The following SPINK9 variants were observed in gnomAD, a reference collection of about 807,000 sequenced individuals.
The protein encoded by SPINK9 is serine protease inhibitor Kazal-type 9.
SPINK9 carries 3 observed loss-of-function variants against 10.8 expected under a neutral mutation model. The observed-to-expected ratio is 0.28, with a 90% CI of 0.13 to 0.72. The LOEUF (loss-of-function observed/expected upper bound fraction) is 0.72, where lower values mean the gene tolerates loss of function less well. Ranked by LOEUF, SPINK9 falls within the 30% of genes least tolerant of loss-of-function variation. SPINK9 has a pLI of 0.74. For synonymous variants in SPINK9, 30 were observed against 31.2 expected (o/e 0.96, Z 0.12); for missense variants, 101 against 103.2 (o/e 0.98, Z 0.09).
chr5:148,327,229 T>C (rs975211110), intron 2 of SPINK9, among the ~76,000 whole-genome samples: 1 of 152,210 alleles, frequency 6.6e-6, no homozygotes, highest in Non-Finnish European at 1.5e-5. Flanking sequence ...TGGTATCTCA[T>C]TGTGGTTTTG....
chr5:148,338,290 T>C (rs569041444), intron 2 of SPINK9, among the ~76,000 whole-genome samples, 188 bp from the exon 3 acceptor site: 14 of 152,166 alleles, frequency 9.2e-5, no homozygotes, highest in Non-Finnish European at 2.1e-4. Context: ...AAGATGTTTA[T>C]CAGTCATGAT....
In SPINK9 at chr5:148,335,635, C is replaced by T; in HGVS notation, c.22C>T (p.Leu8=). MRATAIV[L]LLALTLATMF... is the part of the protein sequence containing the mutation. The stretch of plus-strand genomic sequence containing the variant: ...TACTATGAGAGCAACAGCCATAGTC[C>T]TACTCTTGGCTCTGACACTTGCAAC... The change falls in exon 1 of 4, where the codon CTA becomes TTA. Residue 8 remains leucine, a synonymous_variant. Coordinates refer to ENST00000377906, the MANE Select transcript of SPINK9 (RefSeq NM_001040433.2). 1 of 1,613,688 alleles carries T rather than the reference C, an allele frequency of 6.2e-7. No individual in the cohort carries two copies. The highest frequency in any genetic ancestry group is 1.7e-4 in the Middle Eastern group (1 of 6,058).
chr5:148,337,406 G>A (rs1168490147), intron 2 of SPINK9, among the ~76,000 whole-genome samples: 1 of 152,150 alleles, frequency 6.6e-6, no homozygotes, highest in African/African-American at 2.4e-5. Flanking sequence ...GGAAGCTGAT[G>A]AATGAATGAA....
chr5:148,326,358 A>G (rs1360276717), intron 2 of SPINK9, among the ~76,000 whole-genome samples: 1 of 152,132 alleles, frequency 6.6e-6, no homozygotes, highest in Non-Finnish European at 1.5e-5. Flanking sequence ...CTAAAAATTG[A>G]ATTACCATGC....
At chr5:148,325,996 C>T (rs1757054580) in intron 2 of SPINK9, among the ~76,000 whole-genome samples, 1 of 152,066 alleles carries the variant, frequency 6.6e-6, no homozygotes, top group Non-Finnish European at 1.5e-5. Flanking sequence ...GTCTTGGCAC[C>T]CTTGTCAAAA....
intron 2 of SPINK9, among the ~76,000 whole-genome samples, chr5:148,327,016 T>G (rs1047856391): frequency 6.6e-6 from 1 of 152,008 alleles, no homozygotes; most frequent in African/African-American, 2.4e-5. Context: ...TATAATCCTT[T>G]GGGTATATAC....
chr5:148,335,169 T>C (rs1253147162), upstream of SPINK9, among the ~76,000 whole-genome samples: 1 of 152,224 alleles, frequency 6.6e-6, no homozygotes, highest in Non-Finnish European at 1.5e-5. Context: ...ACCTAGCCCA[T>C]TCCAAAATCA....
In SPINK9 at chr5:148,335,597, T is replaced by C. The variant is rs1190850836; in HGVS notation, c.-17T>C. 3 of 1,613,260 alleles carry C rather than the reference T, an allele frequency of 1.9e-6. No individual in the cohort carries two copies. The highest frequency in any genetic ancestry group is 2.2e-5 in the East Asian group (1 of 44,852). On this transcript the variant is annotated 5_prime_UTR_variant, in exon 1 of 4. Coordinates refer to ENST00000377906, the MANE Select transcript of SPINK9 (RefSeq NM_001040433.2). ...CTTCTTTTCCCTACATCTGACTGCC[T>C]TGGCCACTTCAGTACTATGAGAGCA...
chr5:148,325,133 A>G (rs550991160), intron 2 of SPINK9, among the ~76,000 whole-genome samples: 2 of 152,238 alleles, frequency 1.3e-5, no homozygotes, highest in South Asian at 4.1e-4. Context: ...TACAGCTGAA[A>G]TATATTCCAT....
At chr5:148,338,043 T>G (rs1757239543) in intron 2 of SPINK9, among the ~76,000 whole-genome samples, 1 of 152,092 alleles carries the variant, frequency 6.6e-6, no homozygotes, top group Admixed American at 6.6e-5. Context: ...TACTAGTCAT[T>G]AAAATGATAG....
At chr5:148,333,626 A>G (rs916376474), upstream of SPINK9, among the ~76,000 whole-genome samples, 4 of 152,178 alleles carry the variant, frequency 2.6e-5, no homozygotes, top group Non-Finnish European at 5.9e-5. Flanking sequence ...TTGCCATGGC[A>G]ATGGTAAACT....
At chr5:148,329,388 T>C (rs1456075123) in intron 2 of SPINK9, among the ~76,000 whole-genome samples, 1 of 152,170 alleles carries the variant, frequency 6.6e-6, no homozygotes, top group African/African-American at 2.4e-5. Flanking sequence ...TATTTGATTC[T>C]TCTCTCTTTT....
chr5:148,321,632 T>C (rs564235140), intron 1 of SPINK9, among the ~76,000 whole-genome samples: 73 of 152,240 alleles, frequency 4.8e-4, no homozygotes, highest in African/African-American at 1.7e-3. Context: ...AACATCAGTA[T>C]GGTATCATTG....
At chr5:148,337,042 TC>T (rs1485076262) in intron 2 of SPINK9, among the ~76,000 whole-genome samples, 1 of 152,150 alleles carries the variant, frequency 6.6e-6, no homozygotes, top group Non-Finnish European at 1.5e-5. Context: ...CTTTGAGGCT[TC>T]TGTTTTACCT....
At chr5:148,335,721 T>C in intron 1 of SPINK9, 53 bp downstream of exon 1, 4 of 1,568,878 alleles carry the variant, frequency 2.5e-6, no homozygotes, top group Non-Finnish European at 3.5e-6. Context: ...GCTCATGCAG[T>C]CTTCTGCCTA....
chr5:148,326,802 T>C (rs1757067705), intron 2 of SPINK9, among the ~76,000 whole-genome samples: 1 of 151,514 alleles, frequency 6.6e-6, no homozygotes, highest in South Asian at 2.1e-4. Flanking sequence ...CTGAGAATGA[T>C]GGTTTCCAGC....
chr5:148,335,830 C>T (rs1757210620), intron 1 of SPINK9, among the ~76,000 whole-genome samples, 162 bp downstream of exon 1: 1 of 152,176 alleles, frequency 6.6e-6, no homozygotes, highest in South Asian at 2.1e-4. Context: ...AATCACATCA[C>T]CTCAGGGGTA....
At chr5:148,324,015 A>G in intron 2 of SPINK9, 1 of 445,138 alleles carries the variant, frequency 2.2e-6, no homozygotes, top group Non-Finnish European at 4.0e-6. Flanking sequence ...TATAAACTAT[A>G]ATGTCCTACA....
At chr5:148,330,053 A>G (rs1294454968) in intron 2 of SPINK9, among the ~76,000 whole-genome samples, 5 of 151,946 alleles carry the variant, frequency 3.3e-5, no homozygotes, top group Non-Finnish European at 5.9e-5. Flanking sequence ...CAATTCCTGG[A>G]TATCTTTTTT....
Sources: allele counts gnomAD v4.1 joint callset (sites outside exome capture counted in the v4.1 genomes callset), GRCh38; gene constraint gnomAD v4.1.1; transcripts MANE v1.5; gene names NCBI Gene and HGNC (gene_info 2026-07-23, HGNC 2026-07-21).